PRKCE: variants seen among roughly 807,000 people sequenced by gnomAD.
PRKCE encodes protein kinase C epsilon type.
In PRKCE, 16 loss-of-function variants were observed where a neutral mutation model predicts 85.4. The observed-to-expected ratio is 0.19, with a 90% CI of 0.13 to 0.28. The LOEUF (loss-of-function observed/expected upper bound fraction) is 0.28. PRKCE is among the 10% of genes least tolerant of loss of function. The pLI is 1.00. For synonymous variants in PRKCE, 388 were observed against 371.5 expected, an observed-to-expected ratio of 1.04 and a Z score of -0.51; for missense variants, 573 against 975.2, an observed-to-expected ratio of 0.59 and a Z score of 5.49.
At chr2:45,903,881 G>GT (rs34124689) in intron 2 of PRKCE, among the ~76,000 whole-genome samples, 7,439 of 116,898 alleles carry the variant, frequency 0.064, 588 homozygotes, top group East Asian at 0.31. Context: ...TAGCCTGGCA[G>GT]TTTTTTTTTG....
chr2:45,990,720 T>C (rs1703725463), intron 6 of PRKCE, among the ~76,000 whole-genome samples: 1 of 151,728 alleles, frequency 6.6e-6, no homozygotes, highest in African/African-American at 2.4e-5. Flanking sequence ...AGTGACATGA[T>C]CTCGGCTCTC....
intron 10 of PRKCE, among the ~76,000 whole-genome samples, chr2:46,085,352 C>T (rs555578826): frequency 3.9e-5 from 6 of 152,330 alleles, no homozygotes; most frequent in African/African-American, 7.2e-5. Context: ...TTCCACATTG[C>T]AATCTATTGG....
chr2:45,989,355 G>T (rs937375472), intron 6 of PRKCE, among the ~76,000 whole-genome samples: 4 of 152,274 alleles, frequency 2.6e-5, no homozygotes, highest in Middle Eastern at 6.8e-3. Context: ...AAGGGGACAG[G>T]GTGTCCCCTC....
intron 1 of PRKCE, among the ~76,000 whole-genome samples, chr2:45,810,394 T>C (rs1269447290): frequency 6.6e-6 from 1 of 152,218 alleles, no homozygotes; most frequent in East Asian, 1.9e-4. Context: ...AATATTATCT[T>C]TGCACATGGC....
At chr2:45,716,009 A>G (rs972100635) in intron 1 of PRKCE, among the ~76,000 whole-genome samples, 4 of 152,138 alleles carry the variant, frequency 2.6e-5, no homozygotes, top group African/African-American at 9.7e-5. Flanking sequence ...AGTCTTTCCT[A>G]CTAAAATCCT....
At chr2:46,167,640 A>G in intron 14 of PRKCE, 1 of 152,252 alleles carries the variant, frequency 6.6e-6, no homozygotes, top group Admixed American at 6.5e-5. Flanking sequence ...TGCCAAGGGG[A>G]GGGAGGTACT....
chr2:45,672,147 A>G (rs940710513), intron 1 of PRKCE, among the ~76,000 whole-genome samples: 18 of 151,930 alleles, frequency 1.2e-4, no homozygotes, highest in Non-Finnish European at 2.1e-4. Context: ...CCTGATTCCT[A>G]GTAAGGTACT....
intron 6 of PRKCE, among the ~76,000 whole-genome samples, 154 bp downstream of exon 6, chr2:45,984,834 A>C (rs556260681): frequency 6.6e-6 from 1 of 152,174 alleles, no homozygotes; most frequent in Non-Finnish European, 1.5e-5. Flanking sequence ...AACTCTGTGC[A>C]TTTGGTAGGC....
At chr2:45,662,911 G>C (rs542628458) in intron 1 of PRKCE, among the ~76,000 whole-genome samples, 2 of 152,262 alleles carry the variant, frequency 1.3e-5, no homozygotes, top group South Asian at 4.1e-4. Context: ...TAGAATGTAA[G>C]GTGTATGAAC....
At chr2:45,803,398 T>C (rs1688017409) in intron 1 of PRKCE, among the ~76,000 whole-genome samples, 1 of 152,248 alleles carries the variant, frequency 6.6e-6, no homozygotes. Flanking sequence ...CAGTGAAGTC[T>C]CTAGTGTTTA....
At chr2:45,719,917 C>A (rs368098000) in intron 1 of PRKCE, among the ~76,000 whole-genome samples, 2 of 152,114 alleles carry the variant, frequency 1.3e-5, no homozygotes, top group East Asian at 1.9e-4. Context: ...GAAAAAGACC[C>A]TGTCTCCTAA....
intron 10 of PRKCE, among the ~76,000 whole-genome samples, chr2:46,051,622 A>G (rs1708864459): frequency 6.6e-6 from 1 of 151,708 alleles, no homozygotes; most frequent in African/African-American, 2.4e-5. Context: ...GCCATTTCCT[A>G]TTTTCTTTGG....
intron 11 of PRKCE, among the ~76,000 whole-genome samples, chr2:46,123,293 A>G (rs1673522601): frequency 1.4e-5 from 2 of 138,646 alleles, no homozygotes; most frequent in Non-Finnish European, 1.5e-5. Flanking sequence ...TAAGCAAAGC[A>G]CATGCTTTAA....
chr2:45,740,939 T>G (rs1682506903), intron 1 of PRKCE, among the ~76,000 whole-genome samples: 1 of 152,220 alleles, frequency 6.6e-6, no homozygotes, highest in Non-Finnish European at 1.5e-5. Flanking sequence ...ATAAATACTT[T>G]CCATTGTAGA....
intron 1 of PRKCE, among the ~76,000 whole-genome samples, chr2:45,759,386 A>G (rs866576666): frequency 6.6e-6 from 1 of 152,192 alleles, no homozygotes; most frequent in Non-Finnish European, 1.5e-5. Flanking sequence ...GGAGCCAGCC[A>G]GATGGCTCCG....
intron 1 of PRKCE, among the ~76,000 whole-genome samples, chr2:45,768,041 T>C (rs764999969): frequency 1.3e-4 from 20 of 152,204 alleles, no homozygotes; most frequent in Non-Finnish European, 2.9e-4. Flanking sequence ...GCCAGTGCCC[T>C]GGTGAGAAGC....
At chr2:45,831,751 A>T (rs1053974313) in intron 1 of PRKCE, among the ~76,000 whole-genome samples, 1 of 152,218 alleles carries the variant, frequency 6.6e-6, no homozygotes, top group Admixed American at 6.5e-5. Context: ...TATAAAAATT[A>T]CTAAAATTGG....
At chr2:45,937,844 G>T (rs893775248) in intron 2 of PRKCE, among the ~76,000 whole-genome samples, 1 of 152,188 alleles carries the variant, frequency 6.6e-6, no homozygotes. Context: ...ACTCTGGAAG[G>T]TAGATATTAT....
At chr2:45,846,352 G>A (rs900027432) in intron 2 of PRKCE, among the ~76,000 whole-genome samples, 2 of 152,144 alleles carry the variant, frequency 1.3e-5, no homozygotes, top group South Asian at 2.1e-4. Flanking sequence ...GACGGTCGGC[G>A]CCTGACCTGG....
Sources: allele counts gnomAD v4.1 joint callset (sites outside exome capture counted in the v4.1 genomes callset), GRCh38; gene constraint gnomAD v4.1.1; transcripts MANE v1.5; gene names NCBI Gene and HGNC (gene_info 2026-07-23, HGNC 2026-07-21).